The following ZNF432 variants were observed in gnomAD, a reference collection of about 807,000 sequenced individuals.
The protein encoded by ZNF432 is zinc finger protein 432.
A neutral mutation model predicts 13.9 loss-of-function variants in ZNF432; 10 were observed. The observed-to-expected ratio is 0.72, with a 90% CI of 0.44 to 1.22. The LOEUF is 1.22. Ranked by LOEUF, ZNF432 falls within the 50% of genes most tolerant of loss-of-function variation. The pLI, the probability that ZNF432 is intolerant of heterozygous loss-of-function variation, is 0.00. For missense variants in ZNF432, 793 were observed against 796.2 expected, an observed-to-expected ratio of 1.00 and a Z score of 0.05; for synonymous variants, 247 against 256.2, an observed-to-expected ratio of 0.96 and a Z score of 0.34.
At chr19:52,046,816 A>G (rs752993675) in intron 2 of ZNF432, 38 bp downstream of exon 2, 1 of 1,603,688 alleles carries the variant, frequency 6.2e-7, no homozygotes, top group South Asian at 1.1e-5. Context: ...CAAATCCACT[A>G]TGGAATAAAG....
Position 52,035,215 on chromosome 19 carries a change from G to C in ZNF432, c.464C>G (p.Ser155Cys), listed in dbSNP as rs777285542. The change falls in exon 5 of 5, where the codon TCT becomes TGT. Residue 155 changes from serine (S) to cysteine (C), a missense_variant. Ser to Cys is a moderately radical substitution (Grantham distance 112). Coordinates refer to ENST00000221315, the MANE Select transcript of ZNF432 (RefSeq NM_014650.4). Reference protein sequence around the residue: ...NQNKSCEINNSTKFSGDGKSF... With the variant: ...NQNKSCEINNCTKFSGDGKSF... ...TTTCCCATCTCCACTAAATTTAGTA[G>C]AGTTGTTAATTTCACAGCTTTTGTT... The C allele has an allele frequency of 6.2e-7, 1 of 1,610,144 alleles. No individual in the cohort carries two copies. The highest frequency in any genetic ancestry group is 1.1e-5 in the South Asian group (1 of 89,744).
intron 1 of ZNF432, among the ~76,000 whole-genome samples, chr19:52,048,182 C>CACACACAAAAAA (rs1482172095): frequency 2.7e-5 from 4 of 146,214 alleles, no homozygotes; most frequent in African/African-American, 7.9e-5. Context: ...CACACACACA[C>CACACACAAAAAA]AAAACCAGCC....
intron 1 of ZNF432, 169 bp from the exon 2 acceptor site, chr19:52,047,229 A>G (rs577930583): frequency 1.0e-4 from 30 of 293,800 alleles, no homozygotes; most frequent in African/African-American, 5.4e-4. Flanking sequence ...AGGGGAGGTC[A>G]CAAAGGAGAA....
chr19:52,033,768 CTT>C lies in ZNF432; in HGVS notation c.1909_1910del (p.Lys637GlufsTer11). ...TTCGCTGATGTACAATGAGATTTCT[CTT>C]TGAGGAGAAGGCTTTTCTACATTCA... ...CSECRKAFSS[K>X]RNLIVHQRTH... On this transcript the variant is annotated frameshift_variant, in exon 5 of 5. Transcript: ENST00000221315. LOFTEE classifies it high-confidence loss of function. 1.2e-6 allele frequency: 2 copies of C among 1,606,218 alleles called. No individual in the cohort carries two copies. The highest frequency in any genetic ancestry group is 4.5e-5 in the East Asian group (2 of 44,822).
chr19:52,045,372 T>TCC (rs141719573), intron 2 of ZNF432, among the ~76,000 whole-genome samples: 4 of 142,740 alleles, frequency 2.8e-5, no homozygotes, highest in African/African-American at 1.1e-4. Context: ...TTTTTTTTTT[T>TCC]CGAGACGGAG....
In ZNF432 at chr19:52,034,240, G is replaced by A; in HGVS notation, c.1439C>T (p.Thr480Ile). 1 of 1,613,994 alleles carries A rather than the reference G, an allele frequency of 6.2e-7. No individual in the cohort carries two copies. Among genetic ancestry groups the A allele is most frequent in the Non-Finnish European group, 8.5e-7 (1 of 1,179,972 alleles). The change falls in exon 5 of 5, where the codon ACT becomes ATT. Residue 480 changes from threonine (T) to isoleucine (I), a missense_variant. Physicochemically the swap from Thr to Ile is moderately conservative, Grantham distance 89 (BLOSUM62 -1). Coordinates refer to ENST00000221315, the MANE Select transcript of ZNF432 (RefSeq NM_014650.4). Reference sequence around the variant, plus strand: ...ACTGCACCTGTAAGGTTTCTCTCCAGTATGAGTTCGCTGATGTACAATCAG... The same window carrying A: ...ACTGCACCTGTAAGGTTTCTCTCCAATATGAGTTCGCTGATGTACAATCAG... ...SRLIVHQRTHTGEKPYRCSEC... is the reference protein window; with the variant it reads ...SRLIVHQRTHIGEKPYRCSEC...
chr19:52,041,943 T>C (rs184317767), intron 2 of ZNF432, among the ~76,000 whole-genome samples: 131 of 152,306 alleles, frequency 8.6e-4, no homozygotes, highest in Middle Eastern at 3.4e-3. Flanking sequence ...CTGTTAAGCC[T>C]TCCCAGCTAA....
In ZNF432 at chr19:52,040,592, GGGAAATAAT is replaced by G. The variant is rs2087125745; in HGVS notation, c.143-18_143-10del. On this transcript the variant is annotated splice_polypyrimidine_tract_variant and intron_variant, in intron 3 of 4. Transcript: ENST00000221315. Reference sequence around the variant, plus strand: ...TTTGCTGACTTGATAACCTGTTTACGGGAAATAATAGAAGACAGACACACTGGATTGGGC... The same window carrying G: ...TTTGCTGACTTGATAACCTGTTTACGAGAAGACAGACACACTGGATTGGGC... 6.2e-7 allele frequency: 1 copy of G among 1,612,068 alleles called. No homozygotes were observed. Among genetic ancestry groups the G allele is most frequent in the South Asian group, 1.1e-5 (1 of 91,042 alleles).
At chr19:52,044,012 C>G (rs542518881) in intron 2 of ZNF432, among the ~76,000 whole-genome samples, 1 of 151,738 alleles carries the variant, frequency 6.6e-6, no homozygotes, top group African/African-American at 2.4e-5. Context: ...TTTCTCTATA[C>G]TTTGTCTCTG....
In ZNF432 at chr19:52,046,842, A is replaced by C; in HGVS notation, c.15+12T>G. 6.2e-7 allele frequency: 1 copy of C among 1,613,662 alleles called. No individual in the cohort carries two copies. Among genetic ancestry groups the C allele is most frequent in the Non-Finnish European group, 8.5e-7 (1 of 1,179,734 alleles). On this transcript the variant is annotated intron_variant, in intron 2 of 4. Coordinates refer to ENST00000221315, the MANE Select transcript of ZNF432 (RefSeq NM_014650.4). ...TGGAATAAAGGAGAGAATAAAATAG[A>C]GAAAAAGTCACCTGGGCATTGATCA...
chr19:52,045,659 A>T (rs1403121243), intron 2 of ZNF432, among the ~76,000 whole-genome samples: 1 of 148,390 alleles, frequency 6.7e-6, no homozygotes, highest in East Asian at 2.1e-4. Context: ...CCGGCCCGGA[A>T]ATTTACTTTT....
Position 52,034,459 on chromosome 19 carries a change from C to A in ZNF432, c.1220G>T (p.Gly407Val). 1 of 1,614,098 alleles carries A rather than the reference C, an allele frequency of 6.2e-7. No individual in the cohort carries two copies. Among genetic ancestry groups the A allele is most frequent in the Middle Eastern group, 1.7e-4 (1 of 6,060 alleles). Residue 407 changes from glycine (G) to valine (V), a missense_variant, in exon 5 of 5, where the codon GGA (glycine) becomes GTA (valine). Gly to Val is a moderately radical substitution (Grantham distance 109). Transcript: ENST00000221315. ...GEKPYICSEC[G>V]KGFPRKSNLI... The stretch of plus-strand genomic sequence containing the variant: ...ATTACTCTTCCTGGGAAAGCCTTTT[C>A]CACATTCACTGCATATGTAGGGTTT...
intron 4 of ZNF432, among the ~76,000 whole-genome samples, chr19:52,036,883 C>T (rs2087087014): frequency 2.0e-5 from 3 of 152,146 alleles, no homozygotes; most frequent in Non-Finnish European, 4.4e-5. Flanking sequence ...ATTGCCCAAG[C>T]TGGTCTTGAA....
At chr19:52,046,007 C>CAAAAAAAAAAAAAAAAA (rs201110474) in intron 2 of ZNF432, among the ~76,000 whole-genome samples, 2 of 87,054 alleles carry the variant, frequency 2.3e-5, no homozygotes, top group Non-Finnish European at 4.8e-5. Context: ...AAACAAAAAC[C>CAAAAAAAAAAAAAAAAA]AAAAAAAAAA....
chr19:52,040,712 G>C, intron 3 of ZNF432, 129 bp from the exon 4 acceptor site: 1 of 710,862 alleles, frequency 1.4e-6, no homozygotes, highest in Non-Finnish European at 2.4e-6. Flanking sequence ...CTCAGGAAAG[G>C]GCAGATTACA....
chr19:52,035,281 T>A lies in ZNF432; in HGVS notation c.398A>T (p.Tyr133Phe). 6.2e-7 allele frequency: 1 copy of A among 1,607,216 alleles called. No individual in the cohort carries two copies. The highest frequency in any genetic ancestry group is 8.5e-7 in the Non-Finnish European group (1 of 1,178,260). ...FRENHDTFEL[Y>F]IKTLKSNLSL... ...TAAATTTGATTTCAAAGTTTTTATA[T>A]ATAACTCAAATGTATCATGATTTTC... Residue 133 changes from tyrosine (Y) to phenylalanine (F), a missense_variant, in exon 5 of 5, where the codon TAT becomes TTT. Coordinates refer to ENST00000221315, the MANE Select transcript of ZNF432 (RefSeq NM_014650.4).
chr19:52,042,218 A>G (rs944341452), intron 2 of ZNF432, among the ~76,000 whole-genome samples: 1 of 152,188 alleles, frequency 6.6e-6, no homozygotes, highest in Non-Finnish European at 1.5e-5. Context: ...TATTAAATAC[A>G]CTGAAGAGAT....
intron 4 of ZNF432, among the ~76,000 whole-genome samples, chr19:52,037,169 T>C (rs924414721): frequency 1.3e-5 from 2 of 152,320 alleles, no homozygotes; most frequent in African/African-American, 2.4e-5. Flanking sequence ...CAAGTAAGAA[T>C]TGGAAATCTC....
At position 52,034,635 on chromosome 19, in the gene ZNF432, A is replaced by T. The variant is rs1168018323; in HGVS notation, c.1044T>A (p.Ser348Arg). Reference sequence around the variant, plus strand: ...TTGTGGTGAAGCCTTTCCCACATTCACTACAGATGTAGGGCTTCTCTCCTG... The same window carrying T: ...TTGTGGTGAAGCCTTTCCCACATTCTCTACAGATGTAGGGCTTCTCTCCTG... ...THTGEKPYICSECGKGFTTKH... is the reference protein window; with the variant it reads ...THTGEKPYICRECGKGFTTKH... The change falls in exon 5 of 5, where the codon AGT (serine) becomes AGA (arginine). Residue 348 changes from serine to arginine, a missense_variant. By Grantham distance (110) the Ser-to-Arg change is moderately radical (BLOSUM62 -1). Coordinates refer to ENST00000221315, the MANE Select transcript of ZNF432 (RefSeq NM_014650.4). 5.0e-6 allele frequency: 8 copies of T among 1,613,398 alleles called. No homozygotes were observed. The highest frequency in any genetic ancestry group is 1.1e-5 in the South Asian group (1 of 91,014).
Sources: allele counts gnomAD v4.1 joint callset (sites outside exome capture counted in the v4.1 genomes callset), GRCh38; gene constraint gnomAD v4.1.1; transcripts MANE v1.5; gene names NCBI Gene and HGNC (gene_info 2026-07-23, HGNC 2026-07-21).